The following ZFHX3 variants were observed in gnomAD, a reference collection of about 807,000 sequenced individuals.
ZFHX3 encodes zinc finger homeobox protein 3.
ZFHX3 carries 42 observed loss-of-function variants against 279.1 expected under a neutral mutation model. The ratio of observed to expected loss-of-function variants is 0.15; its 90% CI spans 0.12 to 0.19. The LOEUF (loss-of-function observed/expected upper bound fraction) is 0.19, where lower values mean the gene tolerates loss of function less well. Ranked by LOEUF, ZFHX3 falls within the 10% of genes least tolerant of loss-of-function variation. The probability of loss-of-function intolerance (pLI) is 1.00; values close to 1 mark genes in which losing one functional copy is unlikely to be tolerated. For missense variants in ZFHX3, 4,981 were observed against 4,754.0 expected (o/e 1.05, Z -1.40); for synonymous variants, 2,293 against 1,957.8 (o/e 1.17, Z -4.52).
chr16:73,203,075 G>C (rs768813869), intron 5 of ZFHX3, among the ~76,000 whole-genome samples: 5 of 151,558 alleles, frequency 3.3e-5, no homozygotes, highest in Admixed American at 2.0e-4. Flanking sequence ...TAATTTAGGA[G>C]ACCCTCCCCC....
intron 3 of ZFHX3, among the ~76,000 whole-genome samples, chr16:73,364,473 G>T (rs919614811): frequency 1.3e-5 from 2 of 151,942 alleles, no homozygotes; most frequent in African/African-American, 4.8e-5. Context: ...AGTTCTTTCG[G>T]TCTGGTCAGG....
intron 5 of ZFHX3, among the ~76,000 whole-genome samples, chr16:73,205,675 C>T (rs2011770561): frequency 6.6e-6 from 1 of 152,108 alleles, no homozygotes; most frequent in African/African-American, 2.4e-5. Context: ...AGCTTTGTAA[C>T]ATGGTGCTCA....
upstream of ZFHX3, among the ~76,000 whole-genome samples, chr16:73,051,196 A>G (rs1459074595): frequency 1.3e-5 from 2 of 152,216 alleles, no homozygotes; most frequent in African/African-American, 2.4e-5. Context: ...AATTATACGT[A>G]TACATTGATT....
chr16:73,323,646 G>C (rs2015624329), intron 3 of ZFHX3, among the ~76,000 whole-genome samples: 1 of 152,184 alleles, frequency 6.6e-6, no homozygotes. Flanking sequence ...AAAAGAGACT[G>C]TACATGTCTT....
intron 3 of ZFHX3, among the ~76,000 whole-genome samples, chr16:72,932,245 C>T (rs890939152): frequency 3.3e-5 from 5 of 152,080 alleles, no homozygotes; most frequent in African/African-American, 1.2e-4. Flanking sequence ...AATACTGAAA[C>T]CTCCCAGGTT....
intron 5 of ZFHX3, among the ~76,000 whole-genome samples, chr16:73,149,149 C>T (rs1966884838): frequency 6.8e-6 from 1 of 147,994 alleles, no homozygotes; most frequent in Non-Finnish European, 1.5e-5. Flanking sequence ...AGACTATTAT[C>T]AACAGATATT....
intron 5 of ZFHX3, among the ~76,000 whole-genome samples, chr16:73,229,802 TA>T (rs1435292983): frequency 2.0e-5 from 3 of 152,226 alleles, no homozygotes; most frequent in African/African-American, 7.2e-5. Context: ...GAGAACCAAA[TA>T]ATATAGTCTT....
chr16:72,810,341 A>G (rs1433927862), intron 7 of ZFHX3, among the ~76,000 whole-genome samples: 2 of 151,746 alleles, frequency 1.3e-5, no homozygotes, highest in African/African-American at 4.8e-5. Flanking sequence ...ACCCACCACC[A>G]TGCCTGGCTA....
rs368369200 is a variant in ZFHX3, at chr16:73,198,484, T to G, written c.-1103-54653A>C. Reference sequence around the variant, plus strand: ...ATAAATCAAAATAAATCGGTAGAATTTCTAAGACTCAAGTGAGAGCTTGGG... The same window carrying G: ...ATAAATCAAAATAAATCGGTAGAATGTCTAAGACTCAAGTGAGAGCTTGGG... On this transcript the variant is annotated intron_variant, in intron 5 of 17. Transcript: ENST00000641206. Among the ~76,000 whole-genome samples the G allele has an allele frequency of 4.7e-4, 72 of 152,088 alleles. 1 individual carries two copies. Among genetic ancestry groups the G allele is most frequent in the African/African-American group, 1.7e-3 (70 of 41,476 alleles).
At chr16:73,682,917 AGAGAAAGAG>A (rs1567550614) in intron 1 of ZFHX3, among the ~76,000 whole-genome samples, 2,015 of 28,814 alleles carry the variant, frequency 0.07, 16 homozygotes, top group African/African-American at 0.091. Flanking sequence ...AGAAAGAAAG[AGAGAAAGAG>A]AAAGAAAGAA....
chr16:73,410,808 T>C (rs2017450982), intron 3 of ZFHX3, among the ~76,000 whole-genome samples: 1 of 152,216 alleles, frequency 6.6e-6, no homozygotes, highest in Non-Finnish European at 1.5e-5. Flanking sequence ...GTATAAAACA[T>C]GTGTGTTACA....
At chr16:73,338,581 C>T (rs2143250319) in intron 3 of ZFHX3, among the ~76,000 whole-genome samples, 1 of 152,162 alleles carries the variant, frequency 6.6e-6, no homozygotes, top group Admixed American at 6.5e-5. Flanking sequence ...ATGATCGATT[C>T]GATGGAATCA....
At chr16:73,211,899 C>G (rs900345291) in intron 5 of ZFHX3, among the ~76,000 whole-genome samples, 7 of 151,908 alleles carry the variant, frequency 4.6e-5, no homozygotes, top group African/African-American at 1.5e-4. Context: ...TCAATCAGCG[C>G]AGTTCTATTT....
At chr16:73,138,927 G>T (rs546999152) in intron 6 of ZFHX3, among the ~76,000 whole-genome samples, 2 of 152,238 alleles carry the variant, frequency 1.3e-5, no homozygotes, top group South Asian at 2.1e-4. Flanking sequence ...CTAGGCTTAC[G>T]CAATCCTCCT....
chr16:73,132,437 C>T (rs1966703775), intron 6 of ZFHX3, among the ~76,000 whole-genome samples: 1 of 152,080 alleles, frequency 6.6e-6, no homozygotes, highest in Non-Finnish European at 1.5e-5. Flanking sequence ...GACTGGGAGC[C>T]TCGTGGATGA....
At chr16:72,835,654 C>A (rs563309151) in intron 4 of ZFHX3, among the ~76,000 whole-genome samples, 7 of 151,888 alleles carry the variant, frequency 4.6e-5, no homozygotes, top group South Asian at 2.1e-4. Context: ...AAGACTGACA[C>A]GGAGGATGGC....
intron 2 of ZFHX3, among the ~76,000 whole-genome samples, chr16:73,635,528 G>T (rs2052519896): frequency 6.6e-6 from 1 of 152,164 alleles, no homozygotes; most frequent in East Asian, 1.9e-4. Flanking sequence ...GTAATGGTGG[G>T]TTGGAAGTGA....
At chr16:73,373,126 C>T (rs905856319) in intron 3 of ZFHX3, among the ~76,000 whole-genome samples, 10 of 93,896 alleles carry the variant, frequency 1.1e-4, no homozygotes, top group Middle Eastern at 4.3e-3. Flanking sequence ...ATTTGTGGGG[C>T]GCTGGTGAGG....
rs375835082 is a variant in ZFHX3 at position 73,805,211 on chromosome 16, C to T, written c.-1608+86440G>A. ...GAGATGGAGTCTCATTCTTGTTGCC[C>T]AGGCTGGAGTGCAATGGCACAACCT... On this transcript the variant is annotated intron_variant, in intron 1 of 17. Transcript: ENST00000641206. 1.7e-3 allele frequency among the ~76,000 whole-genome samples: 252 copies of T among 152,002 alleles called. 10 individuals are homozygous for T. The South Asian group carries it at 0.05, about 30-fold the overall frequency.
Sources: gnomAD v4.1 joint callset for allele counts (sites outside exome capture counted in the v4.1 genomes callset) on GRCh38, gnomAD v4.1.1 for gene constraint, MANE v1.5 for transcripts, NCBI Gene and HGNC (gene_info 2026-07-23, HGNC 2026-07-21) for gene names.